TEX9: variants seen among roughly 807,000 people sequenced by gnomAD.
The protein encoded by TEX9 is testis-expressed protein 9.
TEX9 carries 74 observed loss-of-function variants against 59.6 expected under a neutral mutation model. The observed-to-expected ratio is 1.24, with a 90% CI of 1.03 to 1.51. The LOEUF is 1.51. Ranked by LOEUF, TEX9 falls within the 40% of genes most tolerant of loss-of-function variation. TEX9 has a pLI of 0.00. For missense variants in TEX9, 522 were observed against 447.8 expected, an observed-to-expected ratio of 1.17 and a Z score of -1.49; for synonymous variants, 186 against 152.2, an observed-to-expected ratio of 1.22 and a Z score of -1.64.
At chr15:56,316,996 G>A (rs541844760) in intron 1 of TEX9, among the ~76,000 whole-genome samples, 22 of 152,278 alleles carry the variant, frequency 1.4e-4, no homozygotes, top group South Asian at 4.2e-4. Context: ...GCAATGCCTC[G>A]CCCTGCTTCT....
At chr15:56,428,961 C>CAAGTTATGAAATTCAG (rs2050464058) in intron 12 of TEX9, 3 of 565,780 alleles carry the variant, frequency 5.3e-6, no homozygotes, top group Admixed American at 7.4e-5. Flanking sequence ...TAATTGTTTA[C>CAAGTTATGAAATTCAG]AAGTTATGAA....
intron 1 of TEX9, among the ~76,000 whole-genome samples, chr15:56,347,631 A>G (rs190439853): frequency 6.6e-6 from 1 of 151,580 alleles, no homozygotes; most frequent in East Asian, 1.9e-4. Flanking sequence ...TGGACTGCAG[A>G]CTTAAACATA....
At chr15:56,270,786 C>T (rs896630274) in intron 1 of TEX9, among the ~76,000 whole-genome samples, 1 of 152,166 alleles carries the variant, frequency 6.6e-6, no homozygotes, top group Non-Finnish European at 1.5e-5. Flanking sequence ...TTGTTCCTTT[C>T]CATGTTTAGT....
intron 1 of TEX9, among the ~76,000 whole-genome samples, chr15:56,271,742 C>A (rs2044537295): frequency 6.6e-6 from 1 of 152,132 alleles, no homozygotes; most frequent in African/African-American, 2.4e-5. Flanking sequence ...TTTGTTTTAT[C>A]ATTTAAAGTA....
intron 1 of TEX9, among the ~76,000 whole-genome samples, chr15:56,338,918 TA>T (rs1224866013): frequency 3.3e-5 from 5 of 151,638 alleles, no homozygotes; most frequent in African/African-American, 7.3e-5. Context: ...AACATTGTCT[TA>T]AAAAAAAGTC....
At chr15:56,338,229 AGT>A (rs1227416199) in intron 1 of TEX9, among the ~76,000 whole-genome samples, 2 of 152,354 alleles carry the variant, frequency 1.3e-5, no homozygotes, top group East Asian at 3.9e-4. Context: ...AAGCACTTAG[AGT>A]ATTACTGAGA....
chr15:56,295,351 T>G (rs2045193117), intron 1 of TEX9, among the ~76,000 whole-genome samples: 1 of 152,220 alleles, frequency 6.6e-6, no homozygotes, highest in South Asian at 2.1e-4. Context: ...TATAACATTC[T>G]GGGTTTTAAA....
At chr15:56,415,888 T>C (rs1019449546) in intron 10 of TEX9, among the ~76,000 whole-genome samples, 14 of 151,866 alleles carry the variant, frequency 9.2e-5, no homozygotes, top group African/African-American at 2.9e-4. Context: ...TTTCCCGTTG[T>C]GTTTTCTCTG....
At chr15:56,454,306 T>C in the TEX9 span, among the ~76,000 whole-genome samples, 4 of 152,198 alleles carry the variant, frequency 2.6e-5, no homozygotes, top group Non-Finnish European at 5.9e-5. Flanking sequence ...AATCATATCA[T>C]GGAAAATGGG....
intron 10 of TEX9, among the ~76,000 whole-genome samples, chr15:56,420,474 A>G (rs1313308592): frequency 1.3e-5 from 2 of 151,396 alleles, no homozygotes; most frequent in East Asian, 1.9e-4. Flanking sequence ...TGCTCGGCTA[A>G]TTTTTGTATT....
chr15:56,389,979 G>T (rs754447637), intron 6 of TEX9, among the ~76,000 whole-genome samples: 42 of 151,856 alleles, frequency 2.8e-4, no homozygotes, highest in Non-Finnish European at 5.9e-4. Flanking sequence ...ACCATCTTCA[G>T]TAAGTTATTA....
chr15:56,283,049 G>GTGTGT (rs3222054), intron 1 of TEX9, among the ~76,000 whole-genome samples: 1 of 148,444 alleles, frequency 6.7e-6, no homozygotes, highest in South Asian at 2.2e-4. Flanking sequence ...TACATTGTGT[G>GTGTGT]GTGTGTGTGT....
At chr15:56,412,588 T>C (rs879929004) in intron 10 of TEX9, 152 bp downstream of exon 10, 40 of 851,504 alleles carry the variant, frequency 4.7e-5, no homozygotes, top group Non-Finnish European at 6.8e-5. Context: ...AGTATACACA[T>C]TTCTAACATG....
intron 1 of TEX9, among the ~76,000 whole-genome samples, chr15:56,274,086 C>A (rs1433577585): frequency 6.6e-6 from 1 of 152,102 alleles, no homozygotes; most frequent in Admixed American, 6.5e-5. Flanking sequence ...AACCACACCC[C>A]CAACCCTATG....
chr15:56,278,637 T>C (rs929769349), intron 1 of TEX9, among the ~76,000 whole-genome samples: 1 of 152,220 alleles, frequency 6.6e-6, no homozygotes, highest in Non-Finnish European at 1.5e-5. Context: ...ACTTTCTCTC[T>C]TAAACACTAT....
chr15:56,312,615 C>T (rs1435081242), intron 1 of TEX9, among the ~76,000 whole-genome samples: 1 of 146,932 alleles, frequency 6.8e-6, no homozygotes, highest in Non-Finnish European at 1.5e-5. Flanking sequence ...TTAGGATTGA[C>T]TTGGTGATGC....
At chr15:56,412,333 A>G in exon 10 of TEX9, 1 of 1,612,312 alleles carries the variant, frequency 6.2e-7, no homozygotes, top group East Asian at 2.2e-5. Context: ...CTGCAAAAAC[A>G]GGCTGCAAGT....
intron 1 of TEX9, among the ~76,000 whole-genome samples, chr15:56,260,074 A>G (rs1436118528): frequency 2.6e-5 from 4 of 152,110 alleles, no homozygotes; most frequent in African/African-American, 9.7e-5. Flanking sequence ...TACAAATACA[A>G]TAGATTTTTA....
intron 1 of TEX9, among the ~76,000 whole-genome samples, chr15:56,299,744 C>T (rs2045297290): frequency 6.6e-6 from 1 of 152,130 alleles, no homozygotes; most frequent in African/African-American, 2.4e-5. Flanking sequence ...GCCCCCATTC[C>T]AGGCCCTTGC....
Sources: allele counts gnomAD v4.1 joint callset (sites outside exome capture counted in the v4.1 genomes callset), GRCh38; gene constraint gnomAD v4.1.1; transcripts MANE v1.5; gene names NCBI Gene and HGNC (gene_info 2026-07-23, HGNC 2026-07-21).